The following DMC1 variants were observed in gnomAD, a reference collection of about 807,000 sequenced individuals.
DMC1 encodes DNA meiotic recombinase 1, also known as meiotic recombination protein DMC1 homolog.
A neutral mutation model predicts 50.1 loss-of-function variants in DMC1; 27 were observed. That is an observed-to-expected ratio of 0.54 (90% confidence interval 0.40 to 0.74). The LOEUF is 0.74. Among genes scored for constraint, DMC1 ranks in the 30% least tolerant of loss-of-function variants. DMC1 has a pLI of 0.00. For missense variants in DMC1, 295 were observed against 420.2 expected, an observed-to-expected ratio of 0.70 and a Z score of 2.60; for synonymous variants, 148 against 136.1, an observed-to-expected ratio of 1.09 and a Z score of -0.61.
chr22:38,529,706 C>G (rs2090134152), intron 12 of DMC1, among the ~76,000 whole-genome samples: 1 of 152,120 alleles, frequency 6.6e-6, no homozygotes, highest in Non-Finnish European at 1.5e-5. Flanking sequence ...GGGTTCAAAT[C>G]CTGGCTCACA....
chr22:38,515,815 TAAAC>T (rs372516391), downstream of DMC1, among the ~76,000 whole-genome samples: 621 of 152,182 alleles, frequency 4.1e-3, 6 homozygotes, highest in African/African-American at 0.015. Context: ...AATCAATAAA[TAAAC>T]AAACAAACTT....
At chr22:38,526,844 T>A (rs1373200460) in intron 12 of DMC1, among the ~76,000 whole-genome samples, 1 of 152,170 alleles carries the variant, frequency 6.6e-6, no homozygotes, top group East Asian at 1.9e-4. Context: ...GTCACATGAA[T>A]CTCAAATGTA....
chr22:38,542,028 A>C lies in DMC1; in HGVS notation c.495-2616T>G, dbSNP rs560196802. ...AACGTTCATTTATGATAAAAAAAAA[A>C]CCCTCAAAAAATTGGGTATAGAAGG... On this transcript the variant is annotated intron_variant, in intron 8 of 13. Coordinates refer to ENST00000216024, the MANE Select transcript of DMC1 (RefSeq NM_007068.4). Among the ~76,000 whole-genome samples the C allele has an allele frequency of 4.0e-3, 596 of 148,830 alleles. 5 individuals are homozygous for C. Among genetic ancestry groups the C allele is most frequent in the African/African-American group, 0.014 (541 of 39,418 alleles).
At position 38,568,242 on chromosome 22, in the gene DMC1, T is replaced by G; in HGVS notation, c.15A>C (p.Gln5His). The G allele has an allele frequency of 6.2e-7, 1 of 1,614,158 alleles. No individual in the cohort carries two copies. Among genetic ancestry groups the G allele is most frequent in the Non-Finnish European group, 8.5e-7 (1 of 1,180,002 alleles). The change falls in exon 2 of 14, where the codon CAA becomes CAC. Residue 5 changes from glutamine to histidine, a missense_variant. Gln to His is a conservative substitution (Grantham distance 24). Transcript: ENST00000216024. Reference protein sequence around the residue: MKEDQVVAEEPGFQD... With the variant: MKEDHVVAEEPGFQD... ...GGAATCCTGGTTCTTCCGCCACAAC[T>G]TGATCCTCCTTCATATTGAAAAGTG...
At chr22:38,536,836 T>C (rs2090218464) in intron 12 of DMC1, among the ~76,000 whole-genome samples, 1 of 152,092 alleles carries the variant, frequency 6.6e-6, no homozygotes, top group Non-Finnish European at 1.5e-5. Context: ...TATGAAGTCA[T>C]ATACACTGTG....
At chr22:38,563,751 GTGCAGTGGCGCGATCTCAGCTCAC>G in intron 4 of DMC1, among the ~76,000 whole-genome samples, 1 of 151,464 alleles carries the variant, frequency 6.6e-6, no homozygotes. Context: ...CCAGGCTGGA[GTGCAGTGGCGCGATCTCAGCTCAC>G]TGCAAGCTCC....
chr22:38,529,330 A>G (rs947047748), intron 12 of DMC1, among the ~76,000 whole-genome samples: 1 of 152,080 alleles, frequency 6.6e-6, no homozygotes, highest in Non-Finnish European at 1.5e-5. Context: ...ATTTCTGACC[A>G]AGTAAAAACA....
intron 8 of DMC1, among the ~76,000 whole-genome samples, chr22:38,545,521 C>T: frequency 6.6e-6 from 1 of 152,106 alleles, no homozygotes; most frequent in East Asian, 1.9e-4. Context: ...CTCGCGGGTT[C>T]ACACCATCTC....
chr22:38,522,665 C>T (rs2090041986), intron 12 of DMC1, among the ~76,000 whole-genome samples: 2 of 152,096 alleles, frequency 1.3e-5, no homozygotes, highest in Admixed American at 1.3e-4. Context: ...TCAAAATAAA[C>T]TATGATATAG....
intron 5 of DMC1, among the ~76,000 whole-genome samples, chr22:38,558,441 G>A (rs534212544): frequency 6.6e-5 from 10 of 151,044 alleles, no homozygotes; most frequent in East Asian, 3.9e-4. Context: ...CTGGCTGGGC[G>A]CAGTGGCTCA....
intron 1 of DMC1, 48 bp downstream of exon 1, chr22:38,569,995 C>G (rs1349012618): frequency 6.6e-6 from 1 of 152,290 alleles, no homozygotes; most frequent in Non-Finnish European, 1.5e-5. Flanking sequence ...CTTCTCAAAA[C>G]GAGCGTCCCC....
rs549419607 is a variant in DMC1, at chr22:38,544,485, GTTC to G, written c.495-5076_495-5074del. Reference sequence around the variant, plus strand: ...TCCCGCCTTTCCAGACTGGACCAATGTTCTTCTTACATATACTGATAGATGTCT... The same window carrying G: ...TCCCGCCTTTCCAGACTGGACCAATGTTCTTACATATACTGATAGATGTCT... On this transcript the variant is annotated intron_variant, in intron 8 of 13. Coordinates refer to ENST00000216024, the MANE Select transcript of DMC1 (RefSeq NM_007068.4). 3.9e-3 allele frequency among the ~76,000 whole-genome samples: 598 copies of G among 152,274 alleles called. 4 individuals carry two copies. The highest frequency in any genetic ancestry group is 0.014 in the African/African-American group (567 of 41,538).
At chr22:38,540,397 T>C (rs2090267603) in intron 8 of DMC1, among the ~76,000 whole-genome samples, 1 of 152,214 alleles carries the variant, frequency 6.6e-6, no homozygotes, top group Admixed American at 6.5e-5. Context: ...GCAAACTAAG[T>C]GCACCTGCAA....
intron 12 of DMC1, among the ~76,000 whole-genome samples, chr22:38,522,868 T>C (rs1050577735): frequency 1.3e-5 from 2 of 151,988 alleles, no homozygotes; most frequent in Non-Finnish European, 2.9e-5. Flanking sequence ...GGTAAAGGAG[T>C]TTGCTGAGAT....
chr22:38,533,727 G>A (rs1418399517), intron 12 of DMC1, among the ~76,000 whole-genome samples: 1 of 152,104 alleles, frequency 6.6e-6, no homozygotes, highest in Non-Finnish European at 1.5e-5. Context: ...AAAGCTTATT[G>A]CAGAGCAAGA....
At chr22:38,558,190 C>G (rs188074073) in intron 5 of DMC1, among the ~76,000 whole-genome samples, 1 of 150,852 alleles carries the variant, frequency 6.6e-6, no homozygotes, top group African/African-American at 2.4e-5. Flanking sequence ...GTGATCCACC[C>G]GCCTCAGCCT....
rs1238969968 is a variant in DMC1 at position 38,521,734 on chromosome 22, T to C, written c.837-10A>G. ...GGGATCTGCCTGAAAGCTGAATTAA[T>C]AAAATACTCTTTCAGGTTTCATCAT... On this transcript the variant is annotated splice_polypyrimidine_tract_variant and intron_variant, in intron 12 of 13. Coordinates refer to ENST00000216024, the MANE Select transcript of DMC1 (RefSeq NM_007068.4). 3 of 1,572,578 alleles carry C rather than the reference T, an allele frequency of 1.9e-6. No homozygotes were observed. The highest frequency in any genetic ancestry group is 2.6e-6 in the Non-Finnish European group (3 of 1,142,492).
chr22:38,568,366 G>A (rs560310069), intron 1 of DMC1, 77 bp from the exon 2 acceptor site: 3 of 1,035,274 alleles, frequency 2.9e-6, no homozygotes, highest in South Asian at 1.3e-5. Flanking sequence ...AGTCAACAAG[G>A]ACTAGAAGGA....
intron 8 of DMC1, among the ~76,000 whole-genome samples, chr22:38,548,491 C>T (rs2090368431): frequency 6.6e-6 from 1 of 152,146 alleles, no homozygotes; most frequent in South Asian, 2.1e-4. Context: ...GGGAGGATCA[C>T]TTGACCCTGG....
Sources: allele counts gnomAD v4.1 joint callset (sites outside exome capture counted in the v4.1 genomes callset), GRCh38; gene constraint gnomAD v4.1.1; transcripts MANE v1.5; gene names NCBI Gene and HGNC (gene_info 2026-07-23, HGNC 2026-07-21).